Variants in GJC1 observed in about 807,000 individuals in gnomAD.
The protein encoded by GJC1 is gap junction gamma-1 protein.
In GJC1, 5 loss-of-function variants were observed where a neutral mutation model predicts 29.3. The observed-to-expected ratio is 0.17, with a 90% confidence interval of 0.09 to 0.36. The LOEUF is 0.36. Ranked by LOEUF, GJC1 falls within the 10% of genes least tolerant of loss-of-function variation. The pLI is 1.00. For synonymous variants in GJC1, 177 were observed against 183.3 expected (o/e 0.97, Z 0.28); for missense variants, 310 against 496.2 (o/e 0.62, Z 3.56).
downstream of GJC1, among the ~76,000 whole-genome samples, chr17:44,796,844 TATATAG>T (rs2049786581): frequency 1.3e-5 from 2 of 151,986 alleles, no homozygotes; most frequent in Admixed American, 1.3e-4. Context: ...CACACGTATA[TATATAG>T]AGAGACAGAC....
chr17:44,816,465 C>T (rs912379739), intron 1 of GJC1, among the ~76,000 whole-genome samples: 1 of 152,096 alleles, frequency 6.6e-6, no homozygotes, highest in Non-Finnish European at 1.5e-5. Context: ...CTCAAATTAA[C>T]ACTGTTTTTC....
chr17:44,821,847 A>G (rs1465440115), intron 1 of GJC1, among the ~76,000 whole-genome samples: 1 of 152,048 alleles, frequency 6.6e-6, no homozygotes, highest in East Asian at 1.9e-4. Flanking sequence ...CCTTTGATCA[A>G]TAATTCCACA....
intron 1 of GJC1, among the ~76,000 whole-genome samples, chr17:44,811,453 T>C (rs2049980897): frequency 6.7e-6 from 1 of 149,470 alleles, no homozygotes; most frequent in African/African-American, 2.5e-5. Flanking sequence ...CAGCGGCACC[T>C]GGGCTCACTG....
chr17:44,794,566 G>A (rs569538077), downstream of GJC1: 3 of 152,238 alleles, frequency 2.0e-5, no homozygotes, highest in Non-Finnish European at 4.4e-5. Flanking sequence ...GGAGCTCCCC[G>A]TCAGTGCTTT....
At chr17:44,822,232 A>G (rs1567714589) in intron 1 of GJC1, among the ~76,000 whole-genome samples, 1 of 150,572 alleles carries the variant, frequency 6.6e-6, no homozygotes, top group Non-Finnish European at 1.5e-5. Flanking sequence ...AGAAACATAT[A>G]TAATTTATGG....
rs113451564 is a variant in GJC1 at position 44,804,657 on chromosome 17, T to C, written c.1161A>G (p.Ser387=). The change falls in exon 3 of 3, where the codon TCA becomes TCG. Residue 387 remains serine (S), a synonymous_variant. Transcript: ENST00000592524. ...GSNKSTASSK[S]GDGKTSVWI Reference sequence around the variant, plus strand: ...TCCAGACGGAGGTCTTCCCATCCCCTGATTTGCTACTGGCAGTGCTTTTGT... The same window carrying C: ...TCCAGACGGAGGTCTTCCCATCCCCCGATTTGCTACTGGCAGTGCTTTTGT... 23 of 1,613,842 alleles carry C rather than the reference T, an allele frequency of 1.4e-5. No homozygotes were observed. Among genetic ancestry groups the C allele is most frequent in the African/African-American group, 1.2e-4 (9 of 75,058 alleles).
intron 1 of GJC1, among the ~76,000 whole-genome samples, chr17:44,808,279 G>A (rs549206601): frequency 6.6e-6 from 1 of 151,774 alleles, no homozygotes; most frequent in African/African-American, 2.4e-5. Flanking sequence ...AAAAAAAAGT[G>A]AAGGCATGAA....
In GJC1 at chr17:44,805,798, G is replaced by A; in HGVS notation, c.20C>T (p.Thr7Ile). The change falls in exon 3 of 3, where the codon ACT (threonine) becomes ATT (isoleucine). Residue 7 changes from threonine (T) to isoleucine (I), a missense_variant. Physicochemically the swap from Thr to Ile is moderately conservative, Grantham distance 89 (BLOSUM62 -1). Coordinates refer to ENST00000592524, the MANE Select transcript of GJC1 (RefSeq NM_005497.4). The surrounding 1 kb of genome is among the most constrained non-coding windows in gnomAD (Gnocchi z 5.1). ...GTTGTGAATCTCCTCTAGCAGGCGA[G>A]TCAGGAAGCTCCAACTCATGGTGAT... MSWSFL[T>I]RLLEEIHNHS... 6.2e-7 allele frequency: 1 copy of A among 1,609,738 alleles called. No individual in the cohort carries two copies. Among genetic ancestry groups the A allele is most frequent in the African/African-American group, 1.3e-5 (1 of 75,002 alleles).
chr17:44,809,060 A>T (rs937475624), intron 1 of GJC1, among the ~76,000 whole-genome samples: 4 of 152,144 alleles, frequency 2.6e-5, no homozygotes, highest in African/African-American at 9.7e-5. Context: ...AGCCTGGGCA[A>T]CAAGAGCAAA....
chr17:44,810,719 G>C (rs961281229), intron 1 of GJC1, among the ~76,000 whole-genome samples: 1 of 152,112 alleles, frequency 6.6e-6, no homozygotes, highest in African/African-American at 2.4e-5. Context: ...GTGCATGTGT[G>C]GGGAGGAGCG....
downstream of GJC1, chr17:44,797,897 G>C (rs1051852405): frequency 6.6e-6 from 1 of 152,210 alleles, no homozygotes; most frequent in African/African-American, 2.4e-5. Context: ...TGCTGAGGGT[G>C]AGCTGTTCGT....
intron 1 of GJC1, among the ~76,000 whole-genome samples, chr17:44,809,741 T>A (rs1401891027): frequency 2.6e-5 from 4 of 151,764 alleles, no homozygotes; most frequent in Non-Finnish European, 5.9e-5. Context: ...TGGGTAATTT[T>A]GTATTTTTAG....
At chr17:44,796,423 A>G (rs2049783606), downstream of GJC1, among the ~76,000 whole-genome samples, 1 of 152,196 alleles carries the variant, frequency 6.6e-6, no homozygotes, top group Non-Finnish European at 1.5e-5. Context: ...TGGATCCTCT[A>G]TGTAGGTCTC....
At chr17:44,824,318 T>A (rs2050145219) in intron 1 of GJC1, among the ~76,000 whole-genome samples, 1 of 151,992 alleles carries the variant, frequency 6.6e-6, no homozygotes, top group African/African-American at 2.4e-5. Context: ...TTTTTTCAAA[T>A]AGAGACTGTC....
chr17:44,795,954 A>G (rs1168530437), downstream of GJC1, among the ~76,000 whole-genome samples: 1 of 152,138 alleles, frequency 6.6e-6, no homozygotes, highest in Non-Finnish European at 1.5e-5. Flanking sequence ...CAGATGGGGG[A>G]GCCAGAAGGG....
intron 1 of GJC1, among the ~76,000 whole-genome samples, chr17:44,817,146 C>A (rs992155770): frequency 1.3e-4 from 20 of 151,738 alleles, no homozygotes; most frequent in Admixed American, 1.3e-3. Context: ...GCGGTGGTTG[C>A]AGTGAGCTGA....
In GJC1 at chr17:44,805,032, T is replaced by G. The variant is rs755501283; in HGVS notation, c.786A>C (p.Leu262=). The G allele has an allele frequency of 6.2e-7, 1 of 1,614,072 alleles. No individual in the cohort carries two copies. The change falls in exon 3 of 3, where the codon CTA becomes CTC. Residue 262 remains leucine, a synonymous_variant. Coordinates refer to ENST00000592524, the MANE Select transcript of GJC1 (RefSeq NM_005497.4). This position sits in a 1 kb window ranked among gnomAD's most constrained non-coding sequence, Gnocchi z 5.1. ...CCTCAAGTTCCCTCCTTTTACTGTT[T>G]AGTGAGTCTCGAATGGTCCCAAACC... ...HLGFGTIRDS[L]NSKRRELEDP...
intron 1 of GJC1, among the ~76,000 whole-genome samples, chr17:44,828,067 T>A (rs1486659715): frequency 6.6e-6 from 1 of 152,194 alleles, no homozygotes; most frequent in Non-Finnish European, 1.5e-5. Flanking sequence ...ATTACTCAAT[T>A]GATAGGCAAG....
In GJC1 at chr17:44,800,399, T is replaced by C. The variant is rs890843426; in HGVS notation, c.*4228A>G. Reference sequence around the variant, plus strand: ...CTGGGATTACAGGCGTGAGCCACCATGCCTGGCCAAAACCTTTGATTTTTA... The same window carrying C: ...CTGGGATTACAGGCGTGAGCCACCACGCCTGGCCAAAACCTTTGATTTTTA... On this transcript the variant is annotated 3_prime_UTR_variant, in exon 3 of 3. Transcript: ENST00000592524. 7.2e-5 allele frequency: 11 copies of C among 152,202 alleles called. No homozygotes were observed. The highest frequency in any genetic ancestry group is 2.2e-4 in the African/African-American group (9 of 41,444). 9.4% of individuals were successfully genotyped at this position (152,202 alleles called of 1,614,324 possible). A position where few individuals can be genotyped will look rare whatever the true frequency, so the allele number is the denominator to read the frequency against.
Sources: allele counts gnomAD v4.1 joint callset (sites outside exome capture counted in the v4.1 genomes callset), GRCh38; gene constraint gnomAD v4.1.1; non-coding constraint Gnocchi (gnomAD v3.1); transcripts MANE v1.5; gene names NCBI Gene and HGNC (gene_info 2026-07-23, HGNC 2026-07-21).